Variants in ANKS1B observed in about 807,000 individuals in gnomAD.
ANKS1B encodes ankyrin repeat and sterile alpha motif domain-containing protein 1B.
ANKS1B carries 36 observed loss-of-function variants against 148.3 expected under a neutral mutation model. The observed-to-expected ratio is 0.24, with a 90% CI of 0.19 to 0.32. ANKS1B has a LOEUF of 0.32. Among genes scored for constraint, ANKS1B ranks in the 10% least tolerant of loss-of-function variants. The pLI, the probability that ANKS1B is intolerant of heterozygous loss-of-function variation, is 1.00. For missense variants in ANKS1B, 1,157 were observed against 1,542.6 expected, an observed-to-expected ratio of 0.75 and a Z score of 4.19; for synonymous variants, 542 against 560.8, an observed-to-expected ratio of 0.97 and a Z score of 0.47.
chr12:99,334,467 A>G (rs753004237), intron 12 of ANKS1B, among the ~76,000 whole-genome samples: 3 of 152,080 alleles, frequency 2.0e-5, no homozygotes, highest in South Asian at 4.1e-4. Flanking sequence ...AATAATATTC[A>G]TATCTCCACC....
chr12:98,996,812 C>CAAAAAAAAAA (rs1160748107), intron 17 of ANKS1B, among the ~76,000 whole-genome samples: 1 of 40,638 alleles, frequency 2.5e-5, no homozygotes, highest in Non-Finnish European at 4.3e-5. Context: ...GACTCTATCT[C>CAAAAAAAAAA]AAAAAAAAAA....
chr12:99,611,709 T>C lies in ANKS1B; in HGVS notation c.1272+43358A>G, dbSNP rs77014165. On this transcript the variant is annotated intron_variant, in intron 9 of 26. Transcript: ENST00000683438. ...CCCATTTGAGATTTTTTAGAAATAA[T>C]AGAGCTTTTATGCAGGCATTCGAGG... 1.5e-3 allele frequency among the ~76,000 whole-genome samples: 234 copies of C among 152,176 alleles called. 2 individuals are homozygous for C. The East Asian group carries it at 0.043, about 28-fold the overall frequency.
chr12:99,672,975 C>G (rs1325708135), intron 8 of ANKS1B, among the ~76,000 whole-genome samples: 1 of 152,032 alleles, frequency 6.6e-6, no homozygotes, highest in Non-Finnish European at 1.5e-5. Flanking sequence ...AAAAGCCAAA[C>G]TGATTTTACA....
chr12:99,671,527 T>A (rs191273593), intron 8 of ANKS1B, among the ~76,000 whole-genome samples: 14 of 152,156 alleles, frequency 9.2e-5, no homozygotes, highest in Non-Finnish European at 1.6e-4. Context: ...ATTGTATACA[T>A]ATTATTTCTA....
intron 9 of ANKS1B, among the ~76,000 whole-genome samples, chr12:99,514,756 T>G (rs2096799096): frequency 6.6e-6 from 1 of 152,040 alleles, no homozygotes; most frequent in Admixed American, 6.6e-5. Flanking sequence ...CGTTAGGTAG[T>G]ATCTAGCTCT....
intron 14 of ANKS1B, among the ~76,000 whole-genome samples, chr12:99,166,085 A>G (rs1238883196): frequency 6.6e-6 from 1 of 151,808 alleles, no homozygotes; most frequent in African/African-American, 2.4e-5. Flanking sequence ...TACTTATGAT[A>G]AAAACTCTCA....
intron 17 of ANKS1B, among the ~76,000 whole-genome samples, chr12:98,879,057 ACT>A (rs1353005436): frequency 2.6e-5 from 4 of 152,108 alleles, no homozygotes; most frequent in Non-Finnish European, 5.9e-5. Context: ...ATATTTAGCC[ACT>A]CTGGGCTTGC....
At chr12:99,130,900 C>T (rs117870015) in intron 15 of ANKS1B, among the ~76,000 whole-genome samples, 1,880 of 152,214 alleles carry the variant, frequency 0.012, 15 homozygotes, top group Non-Finnish European at 0.02. Flanking sequence ...GGCTTCTGTA[C>T]CTGTTGACCC....
chr12:99,044,441 T>A (rs1256145903), intron 17 of ANKS1B, among the ~76,000 whole-genome samples: 2 of 150,754 alleles, frequency 1.3e-5, no homozygotes, highest in Non-Finnish European at 2.9e-5. Context: ...GAGTAAGCCA[T>A]GAGGGTTTGG....
chr12:99,081,535 C>T (rs781126346), intron 16 of ANKS1B, among the ~76,000 whole-genome samples: 44 of 152,160 alleles, frequency 2.9e-4, no homozygotes, highest in Non-Finnish European at 5.3e-4. Context: ...GAAGGCAAAG[C>T]ATCAATTTGT....
intron 16 of ANKS1B, among the ~76,000 whole-genome samples, chr12:99,058,713 T>G (rs2041178922): frequency 6.8e-6 from 1 of 147,202 alleles, no homozygotes; most frequent in African/African-American, 2.5e-5. Context: ...TGAAATTCTA[T>G]CTATCCTTTT....
At chr12:99,982,242 G>A (rs1213405826) in intron 1 of ANKS1B, among the ~76,000 whole-genome samples, 1 of 151,212 alleles carries the variant, frequency 6.6e-6, no homozygotes, top group African/African-American at 2.4e-5. Context: ...TCTCACTCAA[G>A]ATATACACTG....
At position 99,438,718 on chromosome 12, in the gene ANKS1B, T is replaced by C. The variant is rs542801500; in HGVS notation, c.1575+4955A>G. ...CAAAGTAAAACAATGTAATCTGCCA[T>C]ATCAACAGAACCAAGAGTACACGCA... On this transcript the variant is annotated intron_variant, in intron 11 of 26. Coordinates refer to ENST00000683438, the MANE Select transcript of ANKS1B (RefSeq NM_001352186.2). 2.6e-5 allele frequency among the ~76,000 whole-genome samples: 4 copies of C among 152,006 alleles called. No homozygotes were observed. The East Asian group carries it at 5.8e-4, about 22-fold the overall frequency.
At chr12:98,959,742 G>A (rs528135197) in intron 17 of ANKS1B, among the ~76,000 whole-genome samples, 18 of 152,264 alleles carry the variant, frequency 1.2e-4, no homozygotes, top group Non-Finnish European at 2.1e-4. Flanking sequence ...GGGCCAGAAC[G>A]GAGCCCATTG....
At chr12:98,985,287 AT>A (rs936808497) in intron 17 of ANKS1B, among the ~76,000 whole-genome samples, 1 of 151,088 alleles carries the variant, frequency 6.6e-6, no homozygotes, top group African/African-American at 2.4e-5. Flanking sequence ...TAATTAAAAA[AT>A]TTTTTTTTGC....
intron 1 of ANKS1B, among the ~76,000 whole-genome samples, chr12:99,853,516 C>T (rs969956850): frequency 6.6e-6 from 1 of 152,084 alleles, no homozygotes; most frequent in African/African-American, 2.4e-5. Flanking sequence ...TCAGGAATCC[C>T]CATCACTAGG....
intron 10 of ANKS1B, among the ~76,000 whole-genome samples, chr12:99,469,388 T>C (rs1179038911): frequency 6.6e-6 from 1 of 151,882 alleles, no homozygotes; most frequent in Non-Finnish European, 1.5e-5. Flanking sequence ...CATGTATACA[T>C]ATGTAACTAA....
intron 10 of ANKS1B, among the ~76,000 whole-genome samples, chr12:99,446,126 AG>A (rs1475384432): frequency 6.6e-6 from 1 of 151,722 alleles, no homozygotes; most frequent in Non-Finnish European, 1.5e-5. Context: ...AAAAAAAAAC[AG>A]GGTGGGGTGG....
At chr12:99,099,503 G>T (rs1358075672) in intron 15 of ANKS1B, among the ~76,000 whole-genome samples, 2 of 152,196 alleles carry the variant, frequency 1.3e-5, no homozygotes, top group Non-Finnish European at 2.9e-5. Context: ...CTTGCATGGG[G>T]CTGCACTCTC....
Sources: allele counts gnomAD v4.1 joint callset (sites outside exome capture counted in the v4.1 genomes callset), GRCh38; gene constraint gnomAD v4.1.1; transcripts MANE v1.5; gene names NCBI Gene and HGNC (gene_info 2026-07-23, HGNC 2026-07-21).